Variants in CYB5RL observed in about 807,000 individuals in gnomAD.
CYB5RL encodes the protein cytochrome b5 reductase like.
In CYB5RL, 38 loss-of-function variants were observed where a neutral mutation model predicts 37.5. The observed-to-expected ratio is 1.01, with a 90% CI of 0.78 to 1.33. The LOEUF (loss-of-function observed/expected upper bound fraction) is 1.33, where lower values mean the gene tolerates loss of function less well. Among genes scored for constraint, CYB5RL ranks in the 40% most tolerant of loss-of-function variants. CYB5RL has a pLI of 0.00. For synonymous variants in CYB5RL, 141 were observed against 151.9 expected, an observed-to-expected ratio of 0.93 and a Z score of 0.53; for missense variants, 388 against 394.4, an observed-to-expected ratio of 0.98 and a Z score of 0.14.
Position 54,178,864 on chromosome 1 carries a change from G to T in CYB5RL, c.744+285C>A, listed in dbSNP as rs1660084730. Among the ~76,000 whole-genome samples the T allele has an allele frequency of 2.0e-5, 3 of 152,354 alleles. No homozygotes were observed. In the South Asian group the frequency reaches 6.2e-4, roughly 32 times the overall value. On this transcript the variant is annotated intron_variant, in intron 7 of 7. Coordinates refer to ENST00000534324, the MANE Select transcript of CYB5RL (RefSeq NM_001031672.4). Reference sequence around the variant, plus strand: ...GCGATGGGAGGCAGTAACGCATGGGGTGAGAGCCAGAGCTCAGCAACCAGA... The same window carrying T: ...GCGATGGGAGGCAGTAACGCATGGGTTGAGAGCCAGAGCTCAGCAACCAGA...
In CYB5RL at chr1:54,174,385, C is replaced by T. The variant is rs1302885845; in HGVS notation, c.*234G>A. ...CTCCCAGGCTGGTTGCTCACCTCCT[C>T]AGGGCCCCTACAGCCCATCCTCCTT... On this transcript the variant is annotated 3_prime_UTR_variant, in exon 8 of 8. Coordinates refer to ENST00000534324, the MANE Select transcript of CYB5RL (RefSeq NM_001031672.4). 1.8e-6 allele frequency: 1 copy of T among 544,348 alleles called. No homozygotes were observed. The highest frequency in any genetic ancestry group is 3.3e-6 in the Non-Finnish European group (1 of 304,520). 33.7% of individuals were successfully genotyped at this position (544,348 alleles called of 1,614,324 possible). A position where few individuals can be genotyped will look rare whatever the true frequency, so the allele number is the denominator to read the frequency against.
At position 54,190,737 on chromosome 1, in the gene CYB5RL, C is replaced by T; in HGVS notation, c.347+11G>A. 1 of 1,552,006 alleles carries T rather than the reference C, an allele frequency of 6.4e-7. No homozygotes were observed. Among genetic ancestry groups the T allele is most frequent in the Non-Finnish European group, 8.7e-7 (1 of 1,147,164 alleles). Reference sequence around the variant, plus strand: ...CTGTGAAGCTTTGGTCCTCCCGCTACCTGAGTGTACCGTAGGATGAGGTGC... The same window carrying T: ...CTGTGAAGCTTTGGTCCTCCCGCTATCTGAGTGTACCGTAGGATGAGGTGC... On this transcript the variant is annotated intron_variant, in intron 4 of 7. Coordinates refer to ENST00000534324, the MANE Select transcript of CYB5RL (RefSeq NM_001031672.4).
chr1:54,185,370 G>A (rs1240455320), intron 5 of CYB5RL: 2 of 150,172 alleles, frequency 1.3e-5, no homozygotes, highest in East Asian at 1.9e-4. Flanking sequence ...CTGGACATCA[G>A]GTGTAGTATG....
intron 6 of CYB5RL, 198 bp downstream of exon 6, chr1:54,183,963 G>A (rs146914775): frequency 0.019 from 6,139 of 322,624 alleles, 160 homozygotes; most frequent in Admixed American, 0.083. Context: ...CAACAAGAGC[G>A]AAACTCCGTC....
At chr1:54,199,404 ATAAC>A (rs1301034826) in intron 1 of CYB5RL, among the ~76,000 whole-genome samples, 1 of 152,220 alleles carries the variant, frequency 6.6e-6, no homozygotes, top group African/African-American at 2.4e-5. Flanking sequence ...AAAGAGAAAA[ATAAC>A]TACGGAAAAG....
At chr1:54,184,467 C>T in intron 5 of CYB5RL, 1 of 534,194 alleles carries the variant, frequency 1.9e-6, no homozygotes, top group Non-Finnish European at 3.3e-6. Flanking sequence ...AGAAGGCAGA[C>T]AGGAGGCTGG....
intron 1 of CYB5RL, among the ~76,000 whole-genome samples, chr1:54,198,804 T>C (rs775663082): frequency 7.9e-5 from 12 of 151,858 alleles, no homozygotes; most frequent in Non-Finnish European, 1.8e-4. Flanking sequence ...GCTAATTTTT[T>C]TTTTATTATT....
chr1:54,188,724 C>A (rs562092411), intron 4 of CYB5RL, among the ~76,000 whole-genome samples: 1 of 152,322 alleles, frequency 6.6e-6, no homozygotes, highest in South Asian at 2.1e-4. Flanking sequence ...AACTTCAGAG[C>A]TGGGTTCCTC....
At chr1:54,181,825 C>T (rs1181907727) in intron 6 of CYB5RL, among the ~76,000 whole-genome samples, 4 of 152,132 alleles carry the variant, frequency 2.6e-5, no homozygotes, top group Admixed American at 2.0e-4. Flanking sequence ...TGGTGATACA[C>T]GCCTGTAGTC....
At chr1:54,189,807 A>C (rs1447732506) in intron 4 of CYB5RL, among the ~76,000 whole-genome samples, 1 of 152,210 alleles carries the variant, frequency 6.6e-6, no homozygotes, top group Non-Finnish European at 1.5e-5. Flanking sequence ...AGCTGGGCAC[A>C]AACACCAGGG....
At chr1:54,182,947 C>A (rs2100465875) in intron 6 of CYB5RL, among the ~76,000 whole-genome samples, 1 of 152,302 alleles carries the variant, frequency 6.6e-6, no homozygotes, top group South Asian at 2.1e-4. Context: ...TTTTCCTAAT[C>A]ATAAAGTAAT....
At chr1:54,193,422 A>C (rs1213258709) in intron 3 of CYB5RL, among the ~76,000 whole-genome samples, 1 of 152,250 alleles carries the variant, frequency 6.6e-6, no homozygotes, top group Non-Finnish European at 1.5e-5. Flanking sequence ...GGGGTGAGCC[A>C]TGTGGAGATG....
intron 4 of CYB5RL, 66 bp from the exon 5 acceptor site, chr1:54,187,805 G>A (rs1643916260): frequency 7.1e-7 from 1 of 1,417,108 alleles, no homozygotes; most frequent in African/African-American, 1.4e-5. Flanking sequence ...GCTGGGCACG[G>A]TGGCTCATGT....
At chr1:54,178,112 T>C (rs1660066981) in intron 7 of CYB5RL, among the ~76,000 whole-genome samples, 1 of 152,224 alleles carries the variant, frequency 6.6e-6, no homozygotes, top group Non-Finnish European at 1.5e-5. Context: ...CACGCTCTCA[T>C]GTCATGCCAC....
At chr1:54,179,975 G>A (rs983593838) in intron 6 of CYB5RL, 1 of 453,994 alleles carries the variant, frequency 2.2e-6, no homozygotes, top group Middle Eastern at 6.9e-4. Context: ...GCCAGGAGTG[G>A]TGGCTCACAC....
intron 3 of CYB5RL, among the ~76,000 whole-genome samples, chr1:54,191,460 C>G (rs960430020): frequency 1.3e-5 from 2 of 152,164 alleles, no homozygotes; most frequent in African/African-American, 4.8e-5. Flanking sequence ...GTCATGCTGG[C>G]TTACTTGTCC....
chr1:54,187,046 A>G (rs1643907784), intron 5 of CYB5RL, among the ~76,000 whole-genome samples: 1 of 152,186 alleles, frequency 6.6e-6, no homozygotes, highest in African/African-American at 2.4e-5. Context: ...CAAAAAAGTT[A>G]GAATATCAGC....
intron 1 of CYB5RL, among the ~76,000 whole-genome samples, chr1:54,198,323 TTTTC>T (rs1238153478): frequency 1.3e-4 from 19 of 151,330 alleles, no homozygotes; most frequent in Admixed American, 2.6e-4. Flanking sequence ...TGCTGATTTC[TTTTC>T]TTTCTTTCTT....
At chr1:54,198,027 CAAAAAAAAAAAAAA>C (rs575486117) in intron 1 of CYB5RL, among the ~76,000 whole-genome samples, 7 of 78,516 alleles carry the variant, frequency 8.9e-5, no homozygotes, top group East Asian at 9.0e-4. Context: ...GACTCTGTCT[CAAAAAAAAAAAAAA>C]AAAAAAAAAA....
Sources: gnomAD v4.1 joint callset for allele counts (sites outside exome capture counted in the v4.1 genomes callset) on GRCh38, gnomAD v4.1.1 for gene constraint, MANE v1.5 for transcripts, NCBI Gene and HGNC (gene_info 2026-07-23, HGNC 2026-07-21) for gene names.